The following CCDC171 variants were observed in gnomAD, a reference collection of about 807,000 sequenced individuals.
CCDC171 encodes the protein coiled-coil domain containing 171.
CCDC171 carries 177 observed loss-of-function variants against 168.2 expected under a neutral mutation model. The observed-to-expected ratio is 1.05, with a 90% CI of 0.93 to 1.19. CCDC171 has a LOEUF of 1.19. Among genes scored for constraint, CCDC171 ranks in the 50% most tolerant of loss-of-function variants. The probability of loss-of-function intolerance (pLI) is 0.00; values close to 1 mark genes in which losing one functional copy is unlikely to be tolerated. For synonymous variants in CCDC171, 687 were observed against 540.8 expected, an observed-to-expected ratio of 1.27 and a Z score of -3.75; for missense variants, 1,991 against 1,539.0, an observed-to-expected ratio of 1.29 and a Z score of -4.91.
In CCDC171 at chr9:15,971,785, T is replaced by C; in HGVS notation, c.3930T>C (p.Ser1310=). ...ATGCTCTGACATCATCTCACTCCTC[T>C]CCAGTGACTATGTCTGCTAATGCCA... ...VPHALTSSHS[S]PVTMSANANR... Residue 1310 remains serine (S), a synonymous_variant, in exon 26 of 26, where the codon TCT becomes TCC. Transcript: ENST00000380701. 1 of 1,613,976 alleles carries C rather than the reference T, an allele frequency of 6.2e-7. No individual in the cohort carries two copies. Among genetic ancestry groups the C allele is most frequent in the South Asian group, 1.1e-5 (1 of 91,072 alleles).
intron 7 of CCDC171, among the ~76,000 whole-genome samples, chr9:15,652,076 T>G (rs2047570308): frequency 6.6e-6 from 1 of 152,104 alleles, no homozygotes; most frequent in African/African-American, 2.4e-5. Flanking sequence ...ACCCGGCTAA[T>G]TTAATTTTTT....
intron 8 of CCDC171, among the ~76,000 whole-genome samples, chr9:15,665,219 C>G (rs1379107021): frequency 2.0e-5 from 3 of 152,088 alleles, no homozygotes; most frequent in East Asian, 1.9e-4. Context: ...TTCTGACTCC[C>G]TGGCTCAAAC....
At chr9:16,045,055 T>C (rs1290481524) in intron 1 of CCDC171, among the ~76,000 whole-genome samples, 8 of 152,342 alleles carry the variant, frequency 5.3e-5, no homozygotes, top group Admixed American at 2.0e-4. Context: ...TTTGTAAATA[T>C]GTAAAAAGCA....
chr9:15,590,771 C>CTCTTTCTTTCTTTCTTT (rs2041924533), intron 4 of CCDC171, among the ~76,000 whole-genome samples: 1 of 122,520 alleles, frequency 8.2e-6, no homozygotes, highest in Non-Finnish European at 1.7e-5. Flanking sequence ...TTCTTTCTTT[C>CTCTTTCTTTCTTTCTTT]TCTTTCTTTC....
At chr9:15,846,940 G>C in intron 22 of CCDC171, 93 bp downstream of exon 22, 1 of 1,075,790 alleles carries the variant, frequency 9.3e-7, no homozygotes, top group Non-Finnish European at 1.3e-6. Context: ...ATAATACAGT[G>C]TTAGAAAACA....
At chr9:15,909,556 C>CAAA (rs1823305198) in intron 24 of CCDC171, among the ~76,000 whole-genome samples, 1 of 152,122 alleles carries the variant, frequency 6.6e-6, no homozygotes, top group South Asian at 2.1e-4. Flanking sequence ...GACCAGAAAC[C>CAAA]AAACATCAAA....
intron 23 of CCDC171, among the ~76,000 whole-genome samples, chr9:15,860,720 G>A (rs957526730): frequency 2.0e-5 from 3 of 151,946 alleles, no homozygotes; most frequent in African/African-American, 7.3e-5. Context: ...AACAATGCGT[G>A]TTCTGCTGCT....
intron 6 of CCDC171, among the ~76,000 whole-genome samples, chr9:15,603,653 C>T (rs1466639276): frequency 6.6e-6 from 1 of 151,822 alleles, no homozygotes; most frequent in African/African-American, 2.4e-5. Context: ...AGCCTATCAT[C>T]GATGGGCATT....
intron 24 of CCDC171, among the ~76,000 whole-genome samples, chr9:15,915,087 A>G (rs945001314): frequency 2.0e-5 from 2 of 101,982 alleles, no homozygotes; most frequent in Non-Finnish European, 4.6e-5. Context: ...AGCTGTTCCT[A>G]TTCAGACATC....
chr9:15,948,068 A>G (rs1828644851), intron 25 of CCDC171, among the ~76,000 whole-genome samples: 1 of 150,580 alleles, frequency 6.6e-6, no homozygotes, highest in African/African-American at 2.4e-5. Flanking sequence ...GAGTGAGAAT[A>G]TGTGGTGTTT....
intron 6 of CCDC171, among the ~76,000 whole-genome samples, chr9:15,600,364 C>G (rs1216037502): frequency 1.3e-5 from 2 of 152,144 alleles, no homozygotes; most frequent in East Asian, 3.8e-4. Context: ...AGTCAGGACC[C>G]TTAGCTGAAG....
chr9:15,736,503 C>T (rs1004127011), intron 16 of CCDC171, among the ~76,000 whole-genome samples: 9 of 151,900 alleles, frequency 5.9e-5, no homozygotes, highest in African/African-American at 2.2e-4. Flanking sequence ...GGGCACGCCA[C>T]CATGCTCTGC....
chr9:15,578,342 C>T lies in CCDC171; in HGVS notation c.178-507C>T, dbSNP rs78642741. On this transcript the variant is annotated intron_variant, in intron 3 of 25. Coordinates refer to ENST00000380701, the MANE Select transcript of CCDC171 (RefSeq NM_173550.4). ...CTCTGCCTCCCAGGCTCAAGCAATC[C>T]TTCCATCTCAGCCTCCTGAGTAGCT... is the stretch of plus-strand genomic sequence containing the variant. Among the ~76,000 whole-genome samples the T allele has an allele frequency of 9.2e-3, 1,391 of 150,438 alleles. 23 individuals are homozygous for T. Among genetic ancestry groups the T allele is most frequent in the African/African-American group, 0.032 (1,308 of 41,134 alleles).
chr9:15,758,432 G>C (rs186325079), intron 18 of CCDC171, among the ~76,000 whole-genome samples: 1 of 152,206 alleles, frequency 6.6e-6, no homozygotes, highest in Non-Finnish European at 1.5e-5. Flanking sequence ...TACCTCCACT[G>C]TATCTAGGAA....
At chr9:15,795,240 T>G (rs1371925893) in intron 21 of CCDC171, among the ~76,000 whole-genome samples, 1 of 152,116 alleles carries the variant, frequency 6.6e-6, no homozygotes, top group Non-Finnish European at 1.5e-5. Flanking sequence ...CCCATCCTTT[T>G]ATAAGAAACC....
intron 3 of CCDC171, among the ~76,000 whole-genome samples, chr9:15,994,843 G>A (rs1234611230): frequency 6.6e-6 from 1 of 152,120 alleles, no homozygotes; most frequent in Non-Finnish European, 1.5e-5. Flanking sequence ...AAACTTCTTT[G>A]ATATCCACTT....
At chr9:15,572,575 T>C (rs2040318947) in intron 3 of CCDC171, among the ~76,000 whole-genome samples, 1 of 152,234 alleles carries the variant, frequency 6.6e-6, no homozygotes, top group South Asian at 2.1e-4. Flanking sequence ...CTGTAATTTA[T>C]TGACAGTTAA....
At chr9:15,847,855 T>C (rs1051131482) in intron 22 of CCDC171, among the ~76,000 whole-genome samples, 2 of 152,056 alleles carry the variant, frequency 1.3e-5, no homozygotes, top group East Asian at 1.9e-4. Context: ...AAAACATGAA[T>C]TGACACAAGG....
chr9:16,023,745 C>T (rs1245147528), intron 6 of CCDC171, among the ~76,000 whole-genome samples: 1 of 151,902 alleles, frequency 6.6e-6, no homozygotes, highest in Non-Finnish European at 1.5e-5. Flanking sequence ...AGTATTTGAT[C>T]ATCTCAAGAT....
Sources: gnomAD v4.1 joint callset for allele counts (sites outside exome capture counted in the v4.1 genomes callset) on GRCh38, gnomAD v4.1.1 for gene constraint, MANE v1.5 for transcripts, NCBI Gene and HGNC (gene_info 2026-07-23, HGNC 2026-07-21) for gene names.